Variants in SLC39A8 observed in about 807,000 individuals in gnomAD.
SLC39A8 encodes metal cation symporter ZIP8.
SLC39A8 carries 15 observed loss-of-function variants against 40.4 expected under a neutral mutation model. That is an observed-to-expected ratio of 0.37 (90% CI 0.25 to 0.57). The LOEUF (loss-of-function observed/expected upper bound fraction) is 0.57. Ranked by LOEUF, SLC39A8 falls within the 20% of genes least tolerant of loss-of-function variation. The pLI is 0.75. For missense variants in SLC39A8, 472 were observed against 558.8 expected, an observed-to-expected ratio of 0.84 and a Z score of 1.57; for synonymous variants, 223 against 221.6, an observed-to-expected ratio of 1.01 and a Z score of -0.06.
At chr4:102,328,339 GT>G (rs749480751) in intron 2 of SLC39A8, among the ~76,000 whole-genome samples, 3,050 of 138,562 alleles carry the variant, frequency 0.022, 114 homozygotes, top group African/African-American at 0.075. Flanking sequence ...TTATCTCTCT[GT>G]TTTTTTTTTT....
At chr4:102,330,177 G>C (rs913288799) in intron 2 of SLC39A8, among the ~76,000 whole-genome samples, 11 of 152,094 alleles carry the variant, frequency 7.2e-5, no homozygotes, top group African/African-American at 2.7e-4. Flanking sequence ...GATCAGAGCA[G>C]AACTGAAGGA....
intron 2 of SLC39A8, among the ~76,000 whole-genome samples, chr4:102,333,804 G>A (rs1173498247): frequency 2.0e-5 from 3 of 152,132 alleles, no homozygotes; most frequent in Non-Finnish European, 2.9e-5. Flanking sequence ...TACAGAAAGA[G>A]TGTGTGACAT....
intron 2 of SLC39A8, among the ~76,000 whole-genome samples, chr4:102,321,873 G>A (rs1216379996): frequency 6.6e-6 from 1 of 152,196 alleles, no homozygotes; most frequent in East Asian, 1.9e-4. Context: ...TCAGCATATA[G>A]AAAGAAGAAC....
intron 2 of SLC39A8, among the ~76,000 whole-genome samples, chr4:102,337,829 C>G (rs1235777074): frequency 2.0e-5 from 3 of 151,990 alleles, no homozygotes; most frequent in Non-Finnish European, 4.4e-5. Context: ...TATTGTTGCT[C>G]AAAATATAGT....
At position 102,262,937 on chromosome 4, in the gene SLC39A8, A is replaced by G; in HGVS notation, c.*107T>C. ...AATTAGTTTTCTGGACCTACAGTTG[A>G]AAGCAAAATTATCTTTTTAACTAAA... On this transcript the variant is annotated 3_prime_UTR_variant, in exon 9 of 9. Transcript: ENST00000356736. The G allele has an allele frequency of 6.9e-7, 1 of 1,442,812 alleles. No homozygotes were observed. The highest frequency in any genetic ancestry group is 1.6e-5 in the South Asian group (1 of 64,312). 89.4% of individuals were successfully genotyped at this position (1,442,812 alleles called of 1,614,324 possible).
intron 6 of SLC39A8, among the ~76,000 whole-genome samples, chr4:102,272,855 C>T (rs1180116419): frequency 2.0e-5 from 3 of 152,076 alleles, no homozygotes; most frequent in African/African-American, 7.2e-5. Flanking sequence ...GGGGACCTCC[C>T]TCCTGGAGCC....
chr4:102,310,867 C>T (rs997121676), intron 3 of SLC39A8, among the ~76,000 whole-genome samples: 2 of 152,108 alleles, frequency 1.3e-5, no homozygotes, highest in Admixed American at 6.6e-5. Context: ...CAAAGAAATA[C>T]AGTCAGGATA....
At chr4:102,331,603 T>A (rs998186807) in intron 2 of SLC39A8, among the ~76,000 whole-genome samples, 9 of 152,164 alleles carry the variant, frequency 5.9e-5, no homozygotes, top group African/African-American at 2.2e-4. Flanking sequence ...ACGTAATTTA[T>A]AGATTCAATG....
intron 6 of SLC39A8, among the ~76,000 whole-genome samples, chr4:102,283,620 C>T (rs534157211): frequency 7.3e-6 from 1 of 136,834 alleles, no homozygotes; most frequent in South Asian, 2.4e-4. Flanking sequence ...TTCAAATCCA[C>T]TACATATAAT....
intron 6 of SLC39A8, among the ~76,000 whole-genome samples, chr4:102,299,392 G>A (rs1352958276): frequency 6.6e-6 from 1 of 151,742 alleles, no homozygotes; most frequent in Admixed American, 6.6e-5. Flanking sequence ...TGGAATCTGT[G>A]AACTCTGCTG....
chr4:102,276,284 TA>T (rs771510407), intron 6 of SLC39A8, among the ~76,000 whole-genome samples: 3 of 150,748 alleles, frequency 2.0e-5, no homozygotes, highest in Non-Finnish European at 3.0e-5. Context: ...ATAGACACAA[TA>T]AAAAAAATGG....
At chr4:102,334,406 G>T (rs1054111740) in intron 2 of SLC39A8, among the ~76,000 whole-genome samples, 2 of 152,128 alleles carry the variant, frequency 1.3e-5, no homozygotes, top group African/African-American at 4.8e-5. Context: ...ATATTGTTTC[G>T]AGTATCAAAT....
At chr4:102,332,302 C>A (rs1486163475) in intron 2 of SLC39A8, among the ~76,000 whole-genome samples, 2 of 152,186 alleles carry the variant, frequency 1.3e-5, no homozygotes, top group Non-Finnish European at 2.9e-5. Context: ...CTATAAGGAA[C>A]TGAAACAAAT....
At chr4:102,287,121 AGT>A (rs1424379098) in intron 6 of SLC39A8, among the ~76,000 whole-genome samples, 1 of 152,122 alleles carries the variant, frequency 6.6e-6, no homozygotes, top group Non-Finnish European at 1.5e-5. Flanking sequence ...AAGCTACCCC[AGT>A]GCCCTCTACT....
chr4:102,296,585 T>C (rs774816659), intron 6 of SLC39A8, among the ~76,000 whole-genome samples: 1 of 152,118 alleles, frequency 6.6e-6, no homozygotes, highest in Non-Finnish European at 1.5e-5. Context: ...TTGCTCCTCA[T>C]TTAACAGATG....
intron 2 of SLC39A8, among the ~76,000 whole-genome samples, chr4:102,319,194 T>C (rs1734792581): frequency 6.6e-6 from 1 of 152,240 alleles, no homozygotes; most frequent in Non-Finnish European, 1.5e-5. Flanking sequence ...CCAGTTTTTA[T>C]GAGTCAGAAG....
At chr4:102,313,105 T>C (rs562472959) in intron 3 of SLC39A8, among the ~76,000 whole-genome samples, 1 of 152,248 alleles carries the variant, frequency 6.6e-6, no homozygotes, top group Non-Finnish European at 1.5e-5. Context: ...AAATTGCAAA[T>C]TATATTGATA....
intron 2 of SLC39A8, among the ~76,000 whole-genome samples, chr4:102,338,409 AT>A (rs1359597119): frequency 6.6e-6 from 1 of 151,994 alleles, no homozygotes; most frequent in Non-Finnish European, 1.5e-5. Flanking sequence ...GATGGTCTCG[AT>A]CTCCTGACCT....
chr4:102,328,634 A>G (rs1247724706), intron 2 of SLC39A8, among the ~76,000 whole-genome samples: 1 of 152,236 alleles, frequency 6.6e-6, no homozygotes, highest in African/African-American at 2.4e-5. Context: ...AATGTCAGAC[A>G]TTATGCTAGT....
Sources: allele counts gnomAD v4.1 joint callset (sites outside exome capture counted in the v4.1 genomes callset), GRCh38; gene constraint gnomAD v4.1.1; transcripts MANE v1.5; gene names NCBI Gene and HGNC (gene_info 2026-07-23, HGNC 2026-07-21).